FRG1: variants seen among roughly 807,000 people sequenced by gnomAD.
The protein encoded by FRG1 is FSHD region gene 1.
FRG1 carries 19 observed loss-of-function variants against 37.0 expected under a neutral mutation model. The ratio of observed to expected loss-of-function variants is 0.51; its 90% confidence interval spans 0.36 to 0.75. The LOEUF is 0.75. FRG1 is among the 30% of genes least tolerant of loss of function. FRG1 has a pLI of 0.00. For missense variants in FRG1, 243 were observed against 301.4 expected (o/e 0.81, Z 1.44); for synonymous variants, 73 against 96.5 (o/e 0.76, Z 1.43).
At chr4:189,949,502 C>T (rs1736665207) in intron 2 of FRG1, among the ~76,000 whole-genome samples, 1 of 152,192 alleles carries the variant, frequency 6.6e-6, no homozygotes, top group Non-Finnish European at 1.5e-5. Context: ...CATTTCCCTA[C>T]TTGGACAGAG....
intron 2 of FRG1, among the ~76,000 whole-genome samples, chr4:189,950,959 G>T (rs985089787): frequency 8.5e-5 from 13 of 152,086 alleles, no homozygotes; most frequent in African/African-American, 3.1e-4. Flanking sequence ...ATCAGACCTT[G>T]TAAAATTAAC....
intron 2 of FRG1, among the ~76,000 whole-genome samples, chr4:189,944,377 C>A (rs919719443): frequency 6.6e-6 from 1 of 152,108 alleles, no homozygotes; most frequent in Admixed American, 6.6e-5. Context: ...AGGGTTTCAC[C>A]ATGTTAGCCA....
intron 7 of FRG1, chr4:189,961,599 G>T: frequency 3.1e-6 from 1 of 320,510 alleles, no homozygotes; most frequent in Non-Finnish European, 5.8e-6. Flanking sequence ...GTAGAGATGG[G>T]GTTTCACCAT....
intron 6 of FRG1, among the ~76,000 whole-genome samples, chr4:189,960,381 C>T (rs3959346): frequency 0.35 from 53,344 of 152,076 alleles, 9,815 homozygotes; most frequent in African/African-American, 0.47. Context: ...GCTTTCAATC[C>T]GATCAAATGA....
intron 6 of FRG1, among the ~76,000 whole-genome samples, chr4:189,958,355 T>G (rs1207892238): frequency 7.2e-5 from 11 of 152,278 alleles, no homozygotes; most frequent in African/African-American, 2.6e-4. Context: ...TGCGTTTGTA[T>G]TTACGTAATG....
At chr4:189,955,735 A>T (rs1350857672) in intron 5 of FRG1, among the ~76,000 whole-genome samples, 1 of 152,250 alleles carries the variant, frequency 6.6e-6, no homozygotes, top group Non-Finnish European at 1.5e-5. Context: ...GACACAGAAT[A>T]CATAATTTCC....
intron 2 of FRG1, among the ~76,000 whole-genome samples, chr4:189,946,634 C>A (rs6822555): frequency 1.3e-5 from 2 of 152,202 alleles, no homozygotes; most frequent in Non-Finnish European, 2.9e-5. Flanking sequence ...TTCAAAATAT[C>A]ATCTAGTTTT....
intron 2 of FRG1, 99 bp from the exon 3 acceptor site, chr4:189,952,063 G>T: frequency 1.2e-6 from 1 of 832,956 alleles, no homozygotes; most frequent in Non-Finnish European, 1.9e-6. Context: ...TCTTACAACT[G>T]CAAAATAAGA....
In FRG1 at chr4:189,944,828, G is replaced by A. The variant is rs567512606; in HGVS notation, c.133+1556G>A. 2.6e-5 allele frequency among the ~76,000 whole-genome samples: 4 copies of A among 152,242 alleles called. No homozygotes were observed. In the East Asian group the frequency reaches 7.7e-4, roughly 29 times the overall value. ...TCATGAAGTCTTGAGATCAGGTAGTGTGAGTCCTCCGACTTTGTACTTATT... is the reference window on the plus strand; with the variant it reads ...TCATGAAGTCTTGAGATCAGGTAGTATGAGTCCTCCGACTTTGTACTTATT... On this transcript the variant is annotated intron_variant, in intron 2 of 8. Coordinates refer to ENST00000226798, the MANE Select transcript of FRG1 (RefSeq NM_004477.3).
At chr4:189,951,900 A>G (rs1736769447) in intron 2 of FRG1, among the ~76,000 whole-genome samples, 4 of 152,206 alleles carry the variant, frequency 2.6e-5, no homozygotes, top group Admixed American at 2.6e-4. Flanking sequence ...CTCTGCACAT[A>G]CATGCAAACA....
intron 7 of FRG1, chr4:189,961,555 G>A (rs144407668): frequency 8.6e-5 from 19 of 221,756 alleles, no homozygotes; most frequent in East Asian, 5.1e-4. Flanking sequence ...CTACAGGCGC[G>A]TGCCACTATG....
At chr4:189,957,303 T>A in intron 5 of FRG1, 95 bp from the exon 6 acceptor site, 1 of 1,485,102 alleles carries the variant, frequency 6.7e-7, no homozygotes, top group African/African-American at 1.4e-5. Flanking sequence ...TCTGTGATTT[T>A]TAAATCAGGG....
intron 1 of FRG1, 108 bp from the exon 2 acceptor site, chr4:189,943,094 A>G: frequency 6.4e-6 from 8 of 1,252,682 alleles, no homozygotes; most frequent in Non-Finnish European, 8.8e-6. Context: ...TTCCTAAATC[A>G]ATAATTTATA....
At chr4:189,945,531 A>G (rs567378212) in intron 2 of FRG1, among the ~76,000 whole-genome samples, 1 of 152,312 alleles carries the variant, frequency 6.6e-6, no homozygotes, top group Admixed American at 6.5e-5. Flanking sequence ...TCATTCTGCC[A>G]GTGGATTATA....
intron 5 of FRG1, among the ~76,000 whole-genome samples, chr4:189,956,595 A>G (rs1241865591): frequency 2.0e-5 from 3 of 152,326 alleles, no homozygotes; most frequent in African/African-American, 4.8e-5. Flanking sequence ...CAGATGAGAG[A>G]CCACCCAGCC....
At position 189,963,170 on chromosome 4, in the gene FRG1, C is replaced by T. The variant is rs1332137563; in HGVS notation, c.*41C>T. ...CTGCCTTATCTTTCTGTGTTTTTTT[C>T]TGAATAAAATATTCAGAGGAAATGC... is the stretch of plus-strand genomic sequence containing the variant. On this transcript the variant is annotated 3_prime_UTR_variant, in exon 9 of 9. Transcript: ENST00000226798. 1 of 1,552,938 alleles carries T rather than the reference C, an allele frequency of 6.4e-7. No homozygotes were observed. The highest frequency in any genetic ancestry group is 1.7e-5 in the Admixed American group (1 of 58,726).
rs1182209650 is a variant in FRG1 at position 189,942,350 on chromosome 4, C to G, written c.63-852C>G. 1.6e-4 allele frequency among the ~76,000 whole-genome samples: 24 copies of G among 152,126 alleles called. 2 individuals are homozygous for G. The highest frequency in any genetic ancestry group is 1.6e-3 in the Admixed American group (24 of 15,264). ...CATTTTCATCATCTCAGAAGGAAAT[C>G]TCCCCCTACCCATTAAAGCAGTCAC... On this transcript the variant is annotated intron_variant, in intron 1 of 8. Transcript: ENST00000226798.
At chr4:189,947,324 C>CTCCTAAG (rs113124354) in intron 2 of FRG1, among the ~76,000 whole-genome samples, 2 of 151,680 alleles carry the variant, frequency 1.3e-5, no homozygotes, top group South Asian at 4.1e-4. Context: ...TTGAAGCCGT[C>CTCCTAAG]ATGTGTACAC....
At chr4:189,957,733 C>T (rs1365584734) in intron 6 of FRG1, among the ~76,000 whole-genome samples, 1 of 151,876 alleles carries the variant, frequency 6.6e-6, no homozygotes, top group Admixed American at 6.6e-5. Flanking sequence ...CCATTATCTC[C>T]ATGGATTAGT....
Sources: allele counts gnomAD v4.1 joint callset (sites outside exome capture counted in the v4.1 genomes callset), GRCh38; gene constraint gnomAD v4.1.1; transcripts MANE v1.5; gene names NCBI Gene and HGNC (gene_info 2026-07-23, HGNC 2026-07-21).